The following CD109 variants were observed in gnomAD, a reference collection of about 807,000 sequenced individuals.
CD109 encodes the protein CD109 molecule, also known as CD109 antigen.
CD109 carries 149 observed loss-of-function variants against 165.8 expected under a neutral mutation model. The ratio of observed to expected loss-of-function variants is 0.90; its 90% confidence interval spans 0.79 to 1.03. The LOEUF is 1.03. Among genes scored for constraint, CD109 ranks in the 50% least tolerant of loss-of-function variants. CD109 has a pLI of 0.00. For synonymous variants in CD109, 585 were observed against 592.1 expected, an observed-to-expected ratio of 0.99 and a Z score of 0.18; for missense variants, 1,712 against 1,677.8, an observed-to-expected ratio of 1.02 and a Z score of -0.36.
chr6:73,818,523 CTATT>C lies in CD109; in HGVS notation c.4050_4053del (p.Tyr1350Ter). 1 of 1,612,894 alleles carries C rather than the reference CTATT, an allele frequency of 6.2e-7. No homozygotes were observed. On this transcript the variant is annotated frameshift_variant, in exon 31 of 33. Coordinates refer to ENST00000287097, the MANE Select transcript of CD109 (RefSeq NM_133493.5). LOFTEE classifies it high-confidence loss of function. Reference sequence around the variant, plus strand: ...AATATGATCATGGAAAACTCAACCTCTATTTAGATTCTGTAAGTAGTAAAACATA... The same window carrying C: ...AATATGATCATGGAAAACTCAACCTCTAGATTCTGTAAGTAGTAAAACATA...
Position 73,696,233 on chromosome 6 carries a change from C to A in CD109, c.18C>A (p.Leu6=), listed in dbSNP as rs1047696471. MQGPP[L]LTAAHLLCVC... is the part of the protein sequence containing the mutation. ...CCGTCGAGATGCAGGGCCCACCGCT[C>A]CTGACCGCCGCCCACCTCCTCTGCG... Residue 6 remains leucine, a synonymous_variant, in exon 1 of 33, where the codon CTC becomes CTA. Transcript: ENST00000287097. 1 of 1,544,906 alleles carries A rather than the reference C, an allele frequency of 6.5e-7. No individual in the cohort carries two copies. Among genetic ancestry groups the A allele is most frequent in the Non-Finnish European group, 8.7e-7 (1 of 1,149,742 alleles).
intron 31 of CD109, 117 bp from the exon 32 acceptor site, chr6:73,820,343 GA>G: frequency 3.5e-6 from 2 of 578,552 alleles, no homozygotes; most frequent in Non-Finnish European, 6.2e-6. Context: ...CTGACATGTA[GA>G]AATCCTCCCT....
At chr6:73,762,655 C>T in intron 8 of CD109, 86 bp from the exon 9 acceptor site, 1 of 1,110,292 alleles carries the variant, frequency 9.0e-7, no homozygotes, top group South Asian at 1.5e-5. Context: ...CCAGAGCTAT[C>T]ATATTGTTGT....
intron 2 of CD109, among the ~76,000 whole-genome samples, chr6:73,720,040 C>A (rs1771886954): frequency 6.6e-6 from 1 of 152,102 alleles, no homozygotes; most frequent in South Asian, 2.1e-4. Flanking sequence ...GATAGCTGCA[C>A]CCCCACATCC....
rs57382539 is a variant in CD109 at position 73,798,110 on chromosome 6, G to GTTTT, written c.2879-5100_2879-5097dup. Reference sequence around the variant, plus strand: ...ATTATAGACGAGTCATCAGTGTCCTGTTTTTTTTTTTTTCTTTTTTTTGTG... The same window carrying GTTTT: ...ATTATAGACGAGTCATCAGTGTCCTGTTTTTTTTTTTTTTTTTCTTTTTTTTGTG... On this transcript the variant is annotated intron_variant, in intron 23 of 32. Coordinates refer to ENST00000287097, the MANE Select transcript of CD109 (RefSeq NM_133493.5). Among the ~76,000 whole-genome samples, 32 of 142,526 alleles carry GTTTT rather than the reference G, an allele frequency of 2.2e-4. 1 individual carries two copies. Among genetic ancestry groups the GTTTT allele is most frequent in the African/African-American group, 6.0e-4 (23 of 38,240 alleles). The allele number at this position is 142,526 out of a possible 152,430, so 93.5% of individuals were successfully genotyped here.
At chr6:73,784,082 A>G (rs1007105218) in intron 19 of CD109, among the ~76,000 whole-genome samples, 2 of 152,190 alleles carry the variant, frequency 1.3e-5, no homozygotes, top group African/African-American at 4.8e-5. Context: ...AACCATCTCC[A>G]AAGGCCAGAA....
At chr6:73,769,202 T>C (rs993174071) in intron 14 of CD109, among the ~76,000 whole-genome samples, 1 of 152,192 alleles carries the variant, frequency 6.6e-6, no homozygotes, top group African/African-American at 2.4e-5. Context: ...TACTTTAGTT[T>C]TGTTGAGAAT....
chr6:73,787,243 A>G lies in CD109; in HGVS notation c.2347A>G (p.Ile783Val). The change falls in exon 21 of 33, where the codon ATC becomes GTC. Residue 783 changes from isoleucine (I) to valine (V), a missense_variant. Physicochemically the swap from Ile to Val is conservative, Grantham distance 29. Transcript: ENST00000287097. ...YLKDATEVKV[I>V]IEKSDKFDIL... ...TATTTTTTTCTTTCAGGTTAAGGTA[A>G]TCATTGAGAAAAGTGACAAATTTGA... 1.9e-6 allele frequency: 3 copies of G among 1,606,652 alleles called. No individual in the cohort carries two copies. Among genetic ancestry groups the G allele is most frequent in the Non-Finnish European group, 2.6e-6 (3 of 1,173,536 alleles).
At chr6:73,810,676 AAT>A (rs1491033979) in intron 27 of CD109, among the ~76,000 whole-genome samples, 1 of 138,766 alleles carries the variant, frequency 7.2e-6, no homozygotes, top group Non-Finnish European at 1.6e-5. Context: ...GGTATAAAAA[AAT>A]CATTGTACAG....
chr6:73,726,736 A>G (rs1218072975), intron 3 of CD109, among the ~76,000 whole-genome samples: 1 of 152,202 alleles, frequency 6.6e-6, no homozygotes, highest in Non-Finnish European at 1.5e-5. Flanking sequence ...GCATTTATGT[A>G]TACACGAAAT....
At chr6:73,682,449 G>A in the CD109 span, among the ~76,000 whole-genome samples, 11 of 152,236 alleles carry the variant, frequency 7.2e-5, no homozygotes, top group African/African-American at 2.7e-4. Flanking sequence ...GGGTTCCCAT[G>A]GTCTTGGGCA....
chr6:73,744,335 G>C (rs1238941629), intron 5 of CD109, among the ~76,000 whole-genome samples: 1 of 152,190 alleles, frequency 6.6e-6, no homozygotes, highest in Admixed American at 6.5e-5. Context: ...GCTTCTTCTA[G>C]ATGATTGCTG....
rs1772544547 is a variant in CD109, at chr6:73,736,389, A to G, written c.514A>G (p.Lys172Glu). ...TGTCTGGTTTTCATTTTAGGACCCC[A>G]AATCAAATTTGATCCAACAGTGGTT... ...TSLNILIKDP[K>E]SNLIQQWLSQ... Residue 172 changes from lysine (K) to glutamate (E), a missense_variant, in exon 5 of 33, where the codon AAA (lysine) becomes GAA (glutamate). Physicochemically the swap from Lys to Glu is moderately conservative, Grantham distance 56. Coordinates refer to ENST00000287097, the MANE Select transcript of CD109 (RefSeq NM_133493.5). 2.5e-6 allele frequency: 4 copies of G among 1,613,334 alleles called. No individual in the cohort carries two copies. Among genetic ancestry groups the G allele is most frequent in the African/African-American group, 2.7e-5 (2 of 75,000 alleles).
chr6:73,766,187 A>G, intron 11 of CD109, 33 bp downstream of exon 11: 2 of 1,514,494 alleles, frequency 1.3e-6, no homozygotes, highest in Non-Finnish European at 1.8e-6. Flanking sequence ...GTGTCACTGC[A>G]ACAACACCAT....
intron 2 of CD109, among the ~76,000 whole-genome samples, chr6:73,719,075 T>G (rs571713152): frequency 1.3e-5 from 2 of 152,324 alleles, no homozygotes; most frequent in African/African-American, 4.8e-5. Context: ...AGTTCAGCAT[T>G]TAATCACTAT....
chr6:73,680,775 C>T, the CD109 span, among the ~76,000 whole-genome samples: 3 of 152,206 alleles, frequency 2.0e-5, no homozygotes, highest in Non-Finnish European at 4.4e-5. Context: ...CTTTCTACCT[C>T]TCATTCCAAT....
At chr6:73,742,217 T>C (rs867024607) in intron 5 of CD109, among the ~76,000 whole-genome samples, 1 of 146,648 alleles carries the variant, frequency 6.8e-6, no homozygotes, top group Non-Finnish European at 1.5e-5. Context: ...CTGTACATTC[T>C]ATCTCTGTGG....
chr6:73,701,935 C>T (rs1343382149), intron 2 of CD109, among the ~76,000 whole-genome samples: 1 of 152,000 alleles, frequency 6.6e-6, no homozygotes, highest in Non-Finnish European at 1.5e-5. Context: ...ACAAAAGAAC[C>T]CTTAAAACCA....
At chr6:73,742,582 C>T (rs959239959) in intron 5 of CD109, among the ~76,000 whole-genome samples, 4 of 152,264 alleles carry the variant, frequency 2.6e-5, no homozygotes, top group African/African-American at 9.6e-5. Context: ...GACCCACGCA[C>T]TGGTGCTCAT....
Sources: allele counts gnomAD v4.1 joint callset (sites outside exome capture counted in the v4.1 genomes callset), GRCh38; gene constraint gnomAD v4.1.1; transcripts MANE v1.5; gene names NCBI Gene and HGNC (gene_info 2026-07-23, HGNC 2026-07-21).